FTCDNL1: variants seen among roughly 807,000 people sequenced by gnomAD.
FTCDNL1 encodes formiminotransferase cyclodeaminase N-terminal like.
A neutral mutation model predicts 5.9 loss-of-function variants in FTCDNL1; 11 were observed. The ratio of observed to expected loss-of-function variants is 1.87; its 90% confidence interval spans 1.18 to 3.10. The LOEUF is 3.10. Among genes scored for constraint, FTCDNL1 ranks in the 30% most tolerant of loss-of-function variants. FTCDNL1 has a pLI of 0.00. For missense variants in FTCDNL1, 115 were observed against 65.5 expected (o/e 1.76, Z -2.61); for synonymous variants, 58 against 24.8 (o/e 2.34, Z -3.99).
intron 3 of FTCDNL1, among the ~76,000 whole-genome samples, chr2:199,784,001 C>T (rs1328172246): frequency 1.3e-5 from 2 of 152,146 alleles, no homozygotes; most frequent in Non-Finnish European, 2.9e-5. Flanking sequence ...TTTCAAGTCT[C>T]AGGTTCCCAT....
At position 199,851,188 on chromosome 2, in the gene FTCDNL1, G is replaced by C. The variant is rs2076869813; in HGVS notation, c.-456C>G. 7.0e-6 allele frequency: 1 copy of C among 143,620 alleles called. No homozygotes were observed. The highest frequency in any genetic ancestry group is 7.0e-5 in the Admixed American group (1 of 14,318). The allele number at this position is 143,620 out of a possible 1,614,324, so 8.9% of individuals were successfully genotyped here. A position where few individuals can be genotyped will look rare whatever the true frequency, so the allele number is the denominator to read the frequency against. On this transcript the variant is annotated 5_prime_UTR_variant, in exon 1 of 5. Coordinates refer to ENST00000420128, the MANE Select transcript of FTCDNL1 (RefSeq NM_001363886.2). Reference sequence around the variant, plus strand: ...GGCCCGCGCGCAGCGTCTGCCGCCGGCTCCGCCTCCCGGACGCCCGGAGCG... The same window carrying C: ...GGCCCGCGCGCAGCGTCTGCCGCCGCCTCCGCCTCCCGGACGCCCGGAGCG...
At chr2:199,732,178 CCTT>C in the FTCDNL1 span, among the ~76,000 whole-genome samples, 1 of 152,122 alleles carries the variant, frequency 6.6e-6, no homozygotes, top group African/African-American at 2.4e-5. Flanking sequence ...TTTTCCTAGA[CCTT>C]CTTTTCTACT....
At chr2:199,679,941 A>C in the FTCDNL1 span, among the ~76,000 whole-genome samples, 1 of 152,192 alleles carries the variant, frequency 6.6e-6, no homozygotes, top group East Asian at 1.9e-4. Flanking sequence ...CTTTGTATGA[A>C]TGTAACACCA....
At chr2:199,704,933 A>G in the FTCDNL1 span, among the ~76,000 whole-genome samples, 1 of 152,090 alleles carries the variant, frequency 6.6e-6, no homozygotes, top group African/African-American at 2.4e-5. Context: ...GCAGATGAAA[A>G]TTTCTCCCCA....
chr2:199,713,649 G>A, the FTCDNL1 span, among the ~76,000 whole-genome samples: 15 of 152,186 alleles, frequency 9.9e-5, no homozygotes, highest in East Asian at 9.6e-4. Flanking sequence ...TTAGTGTGCC[G>A]TGTTAGTCTT....
At position 199,851,138 on chromosome 2, in the gene FTCDNL1, G is replaced by T. The variant is rs1045038692; in HGVS notation, c.-406C>A. On this transcript the variant is annotated 5_prime_UTR_variant, in exon 1 of 5. Transcript: ENST00000420128. ...CCCAAGTCGCCGCCGCGCGTGGCCC[G>T]CGCGCAGCCTCCGCCGCCGCGCGTG... is the stretch of plus-strand genomic sequence containing the variant. 2.2e-5 allele frequency: 3 copies of T among 137,634 alleles called. No individual in the cohort carries two copies. Among genetic ancestry groups the T allele is most frequent in the Non-Finnish European group, 3.1e-5 (2 of 65,312 alleles). The allele number at this position is 137,634 out of a possible 1,614,324, so 8.5% of individuals were successfully genotyped here.
chr2:199,824,585 T>C (rs767383536), intron 3 of FTCDNL1, among the ~76,000 whole-genome samples: 1 of 152,208 alleles, frequency 6.6e-6, no homozygotes, highest in Non-Finnish European at 1.5e-5. Flanking sequence ...TAATCATTTC[T>C]AGCTTTTTAT....
At chr2:199,694,250 C>T in the FTCDNL1 span, among the ~76,000 whole-genome samples, 1 of 152,158 alleles carries the variant, frequency 6.6e-6, no homozygotes, top group Non-Finnish European at 1.5e-5. Context: ...ATATTCAGAC[C>T]TACCAGGTGT....
chr2:199,805,560 G>A (rs1364259406), downstream of FTCDNL1, among the ~76,000 whole-genome samples: 1 of 152,052 alleles, frequency 6.6e-6, no homozygotes, highest in Non-Finnish European at 1.5e-5. Context: ...CCAACATGGT[G>A]AAACCCGTCT....
In FTCDNL1 at chr2:199,809,780, T is replaced by C. The variant is rs1016335237; in HGVS notation, c.*2925A>G. 1.3e-5 allele frequency among the ~76,000 whole-genome samples: 2 copies of C among 152,186 alleles called. No individual in the cohort carries two copies. The highest frequency in any genetic ancestry group is 2.4e-5 in the African/African-American group (1 of 41,440). ...CCCCAATATAAACATTTCAAAATTC[T>C]ATATCTGGTTTATGAGCAGCAGATC... is the stretch of plus-strand genomic sequence containing the variant. On this transcript the variant is annotated 3_prime_UTR_variant, in exon 5 of 5. Coordinates refer to ENST00000420128, the MANE Select transcript of FTCDNL1 (RefSeq NM_001363886.2).
chr2:199,747,026 AACACACACACAC>A, the FTCDNL1 span, among the ~76,000 whole-genome samples: 114 of 145,926 alleles, frequency 7.8e-4, 1 homozygote, highest in African/African-American at 2.8e-3. Context: ...GTTTATTTAA[AACACACACACAC>A]ACACACACAC....
At chr2:199,668,316 C>T in the FTCDNL1 span, among the ~76,000 whole-genome samples, 1 of 152,118 alleles carries the variant, frequency 6.6e-6, no homozygotes, top group Admixed American at 6.5e-5. Context: ...GGAGGGAGTA[C>T]ATGAGAATAT....
chr2:199,765,311 A>T (rs1339432990), intron 3 of FTCDNL1, among the ~76,000 whole-genome samples: 1 of 151,420 alleles, frequency 6.6e-6, no homozygotes, highest in Non-Finnish European at 1.5e-5. Context: ...CTGTGGGGGG[A>T]ATGTTGATAA....
At chr2:199,668,204 A>C in the FTCDNL1 span, among the ~76,000 whole-genome samples, 1 of 152,222 alleles carries the variant, frequency 6.6e-6, no homozygotes, top group African/African-American at 2.4e-5. Flanking sequence ...ATTGATGACT[A>C]AGTGAAACAT....
chr2:199,808,790 T>C (rs144111106), downstream of FTCDNL1, among the ~76,000 whole-genome samples: 1 of 152,358 alleles, frequency 6.6e-6, no homozygotes, highest in African/African-American at 2.4e-5. Flanking sequence ...CATTTGTACA[T>C]TACAGCTTAT....
rs982706033 is a variant in FTCDNL1 at position 199,781,905 on chromosome 2, G to A, written c.212-21070C>T. 6.6e-5 allele frequency among the ~76,000 whole-genome samples: 10 copies of A among 151,988 alleles called. No homozygotes were observed. The East Asian group carries it at 9.7e-4, about 15-fold the overall frequency. On this transcript the variant is annotated intron_variant, in intron 3 of 3. Coordinates refer to the FTCDNL1 transcript ENST00000416668. Reference sequence around the variant, plus strand: ...CACCATTCTCCTGCCTCAGCCTCCCGAGTAGCTGGGACTACAGGCGCCCGC... The same window carrying A: ...CACCATTCTCCTGCCTCAGCCTCCCAAGTAGCTGGGACTACAGGCGCCCGC...
the FTCDNL1 span, among the ~76,000 whole-genome samples, chr2:199,731,086 C>A: frequency 2.0e-5 from 3 of 152,180 alleles, no homozygotes; most frequent in African/African-American, 7.2e-5. Flanking sequence ...AGCAAACTAA[C>A]ACAAGAACAG....
chr2:199,694,047 A>G, the FTCDNL1 span, among the ~76,000 whole-genome samples: 1 of 152,210 alleles, frequency 6.6e-6, no homozygotes, highest in African/African-American at 2.4e-5. Flanking sequence ...ATTTAATTCC[A>G]AGGTCTGTGG....
chr2:199,667,975 A>T, the FTCDNL1 span, among the ~76,000 whole-genome samples: 1 of 152,224 alleles, frequency 6.6e-6, no homozygotes, highest in African/African-American at 2.4e-5. Context: ...CCAAAATATT[A>T]TTTTTATTTT....
Sources: gnomAD v4.1 joint callset for allele counts (sites outside exome capture counted in the v4.1 genomes callset) on GRCh38, gnomAD v4.1.1 for gene constraint, MANE v1.5 for transcripts, NCBI Gene and HGNC (gene_info 2026-07-23, HGNC 2026-07-21) for gene names.